TNS3: variants seen among roughly 807,000 people sequenced by gnomAD.
TNS3 encodes tensin-3.
A neutral mutation model predicts 140.9 loss-of-function variants in TNS3; 45 were observed. The observed-to-expected ratio is 0.32, with a 90% CI of 0.25 to 0.41. The LOEUF is 0.41. TNS3 is among the 10% of genes least tolerant of loss of function. TNS3 has a pLI of 1.00. For missense variants in TNS3, 1,716 were observed against 1,906.7 expected (o/e 0.90, Z 1.86); for synonymous variants, 815 against 788.4 (o/e 1.03, Z -0.56).
chr7:47,516,057 C>T (rs1027308364), intron 2 of TNS3, among the ~76,000 whole-genome samples: 10 of 152,226 alleles, frequency 6.6e-5, no homozygotes, highest in African/African-American at 2.4e-4. Flanking sequence ...TGATGACTTA[C>T]ATAATCTATG....
intron 17 of TNS3, among the ~76,000 whole-genome samples, chr7:47,366,917 C>T (rs1562643668): frequency 1.3e-5 from 2 of 152,220 alleles, no homozygotes; most frequent in Non-Finnish European, 2.9e-5. Flanking sequence ...ATCACATGCA[C>T]GGCGTCACAC....
rs1044493383 is a variant in TNS3, at chr7:47,548,634, C to T, written c.-264-19487G>A. On this transcript the variant is annotated intron_variant, in intron 1 of 30. Transcript: ENST00000311160. Reference sequence around the variant, plus strand: ...TTTGCCTCCTTTGGAGGGTTTTATCCCCTTGGGTACTTCTAAGTTTCAGGG... The same window carrying T: ...TTTGCCTCCTTTGGAGGGTTTTATCTCCTTGGGTACTTCTAAGTTTCAGGG... Among the ~76,000 whole-genome samples the T allele has an allele frequency of 3.9e-5, 6 of 152,202 alleles. No individual in the cohort carries two copies. In the South Asian group the frequency reaches 1.2e-3, roughly 32 times the overall value.
At chr7:47,411,433 T>G (rs1375594961) in intron 13 of TNS3, among the ~76,000 whole-genome samples, 2 of 152,134 alleles carry the variant, frequency 1.3e-5, no homozygotes, top group East Asian at 3.9e-4. Context: ...GCATACACAG[T>G]TCACAATAGG....
At chr7:47,541,293 A>C (rs1294697587) in intron 1 of TNS3, among the ~76,000 whole-genome samples, 1 of 152,180 alleles carries the variant, frequency 6.6e-6, no homozygotes, top group Non-Finnish European at 1.5e-5. Context: ...CAGAGTTTCC[A>C]ATCTAGAGAC....
intron 20 of TNS3, among the ~76,000 whole-genome samples, chr7:47,310,702 G>A (rs1235052252): frequency 1.3e-5 from 2 of 152,118 alleles, no homozygotes; most frequent in Non-Finnish European, 2.9e-5. Flanking sequence ...GAAAGCAGAA[G>A]CAAAAAGAAT....
At chr7:47,551,278 G>C (rs796633620) in intron 1 of TNS3, among the ~76,000 whole-genome samples, 12 of 152,358 alleles carry the variant, frequency 7.9e-5, no homozygotes, top group African/African-American at 2.9e-4. Context: ...CTCGGGAACT[G>C]AGCAAAAGCA....
intron 1 of TNS3, among the ~76,000 whole-genome samples, chr7:47,571,674 A>T (rs1484528130): frequency 6.6e-6 from 1 of 152,256 alleles, no homozygotes; most frequent in East Asian, 1.9e-4. Context: ...TTGGCATTGA[A>T]AACGGAAGCC....
chr7:47,311,349 A>G (rs1024845747), intron 20 of TNS3, among the ~76,000 whole-genome samples: 2 of 152,174 alleles, frequency 1.3e-5, no homozygotes, highest in Non-Finnish European at 2.9e-5. Context: ...GCACATGTAT[A>G]CATATGTAAC....
In TNS3 at chr7:47,368,442, C is replaced by T; in HGVS notation, c.2204G>A (p.Ser735Asn). ...SQANGSVSPD[S>N]VGGGLRASSR... ...GCTTGCCCGGAGCCCACCTCCCACG[C>T]TGTCTGGAGACACAGAGCCATTGGC... The change falls in exon 17 of 31, where the codon AGC (serine) becomes AAC (asparagine). Residue 735 changes from serine to asparagine, a missense_variant. Ser to Asn is a conservative substitution (Grantham distance 46). This residue lies in a region of TNS3 where 1,163 missense variants were observed against 1,182.1 expected (regional missense o/e 0.98). Coordinates refer to ENST00000311160, the MANE Select transcript of TNS3 (RefSeq NM_022748.12). 1 of 1,557,364 alleles carries T rather than the reference C, an allele frequency of 6.4e-7. No homozygotes were observed. Among genetic ancestry groups the T allele is most frequent in the Non-Finnish European group, 8.7e-7 (1 of 1,145,808 alleles).
intron 6 of TNS3, among the ~76,000 whole-genome samples, chr7:47,438,802 C>T (rs1795317875): frequency 6.6e-6 from 1 of 152,104 alleles, no homozygotes; most frequent in Non-Finnish European, 1.5e-5. Context: ...ATTAGCTTTA[C>T]CACAGATAAG....
intron 4 of TNS3, among the ~76,000 whole-genome samples, chr7:47,473,599 C>T (rs1319982452): frequency 6.6e-6 from 1 of 152,142 alleles, no homozygotes; most frequent in Non-Finnish European, 1.5e-5. Flanking sequence ...CAGGAAATAA[C>T]CACTGTCCAG....
chr7:47,342,584 T>C (rs536041974), intron 20 of TNS3, among the ~76,000 whole-genome samples: 1 of 152,370 alleles, frequency 6.6e-6, no homozygotes, highest in East Asian at 1.9e-4. Context: ...ACTTCTAGGT[T>C]AGACAAGACA....
intron 3 of TNS3, among the ~76,000 whole-genome samples, chr7:47,497,849 T>C (rs969272029): frequency 6.6e-6 from 1 of 152,180 alleles, no homozygotes; most frequent in African/African-American, 2.4e-5. Flanking sequence ...CCCTGGTCTA[T>C]CTGACCCAGT....
intron 4 of TNS3, among the ~76,000 whole-genome samples, chr7:47,462,181 T>C (rs377566048): frequency 1.3e-5 from 2 of 152,358 alleles, no homozygotes; most frequent in African/African-American, 4.8e-5. Context: ...AGATTCTGCC[T>C]GGATGTGAAG....
rs1199186525 is a variant in TNS3 at position 47,442,012 on chromosome 7, TTA to T, written c.-34_-33del. 2.3e-6 allele frequency: 3 copies of T among 1,290,194 alleles called. No homozygotes were observed. Among genetic ancestry groups the T allele is most frequent in the Non-Finnish European group, 3.0e-6 (3 of 988,954 alleles). The allele number at this position is 1,290,194 out of a possible 1,614,324, so 79.9% of individuals were successfully genotyped here. ...CCACACAGACACTCACCGCAGAGGT[TTA>T]TCACGGCAGAGAGAACTGGACAGCG... On this transcript the variant is annotated 5_prime_UTR_variant, in exon 5 of 31. Coordinates refer to ENST00000311160, the MANE Select transcript of TNS3 (RefSeq NM_022748.12).
intron 8 of TNS3, among the ~76,000 whole-genome samples, chr7:47,429,543 A>G (rs568515898): frequency 2.0e-5 from 3 of 152,032 alleles, no homozygotes; most frequent in Non-Finnish European, 4.4e-5. Flanking sequence ...AATTTTTTGT[A>G]TTTTTAGTAG....
intron 1 of TNS3, among the ~76,000 whole-genome samples, chr7:47,545,996 G>A (rs1035367350): frequency 6.6e-6 from 1 of 152,194 alleles, no homozygotes; most frequent in African/African-American, 2.4e-5. Context: ...GCTCTGATTT[G>A]TAGTTGGGTT....
intron 5 of TNS3, 22 bp from the exon 6 acceptor site, chr7:47,439,680 A>G (rs1795364911): frequency 2.5e-6 from 4 of 1,611,886 alleles, no homozygotes; most frequent in Non-Finnish European, 3.4e-6. Flanking sequence ...CAGTGGGCAG[A>G]TCAGAAACAG....
chr7:47,391,960 G>A (rs1792546305), intron 16 of TNS3, among the ~76,000 whole-genome samples: 1 of 152,172 alleles, frequency 6.6e-6, no homozygotes, highest in Non-Finnish European at 1.5e-5. Context: ...AGCTGCCATC[G>A]CCGACAGTGT....
Sources: gnomAD v4.1 joint callset for allele counts (sites outside exome capture counted in the v4.1 genomes callset) on GRCh38, gnomAD v4.1.1 for gene constraint, gnomAD v4.1.1 regional missense constraint, MANE v1.5 for transcripts, NCBI Gene and HGNC (gene_info 2026-07-23, HGNC 2026-07-21) for gene names.